CA10: variants seen among roughly 807,000 people sequenced by gnomAD.
CA10 encodes carbonic anhydrase 10 (inactive), also known as carbonic anhydrase-related protein 10.
A neutral mutation model predicts 44.2 loss-of-function variants in CA10; 14 were observed. That is an observed-to-expected ratio of 0.32 (90% CI 0.21 to 0.50). The LOEUF (loss-of-function observed/expected upper bound fraction) is 0.50, where lower values mean the gene tolerates loss of function less well. Ranked by LOEUF, CA10 falls within the 20% of genes least tolerant of loss-of-function variation. CA10 has a pLI of 0.99. For missense variants in CA10, 350 were observed against 409.7 expected (o/e 0.85, Z 1.26); for synonymous variants, 159 against 141.6 (o/e 1.12, Z -0.87).
intron 2 of CA10, among the ~76,000 whole-genome samples, chr17:52,051,224 T>C (rs1274169842): frequency 2.6e-5 from 4 of 151,806 alleles, no homozygotes; most frequent in African/African-American, 9.7e-5. Flanking sequence ...GCAATACCAT[T>C]CAGGACAGAC....
At chr17:51,994,556 T>C (rs960432709) in intron 2 of CA10, among the ~76,000 whole-genome samples, 1 of 152,024 alleles carries the variant, frequency 6.6e-6, no homozygotes, top group African/African-American at 2.4e-5. Flanking sequence ...CCTTGGTGAA[T>C]TTACTATAGT....
intron 2 of CA10, among the ~76,000 whole-genome samples, chr17:52,036,944 G>A (rs969114350): frequency 6.6e-6 from 1 of 152,174 alleles, no homozygotes; most frequent in African/African-American, 2.4e-5. Flanking sequence ...GCCAGAAAAT[G>A]AAGGACTCTA....
intron 2 of CA10, among the ~76,000 whole-genome samples, chr17:51,974,317 G>C (rs1038871984): frequency 6.6e-6 from 1 of 151,300 alleles, no homozygotes; most frequent in Non-Finnish European, 1.5e-5. Flanking sequence ...CCGGGAGGTG[G>C]AGGTTGCAGT....
intron 3 of CA10, among the ~76,000 whole-genome samples, chr17:51,770,301 C>A (rs1201998654): frequency 6.6e-6 from 1 of 151,498 alleles, no homozygotes; most frequent in Non-Finnish European, 1.5e-5. Flanking sequence ...TCTGTGGTGA[C>A]CAGCAAGTTA....
intron 3 of CA10, among the ~76,000 whole-genome samples, chr17:51,775,286 G>A (rs1905776960): frequency 6.6e-6 from 1 of 152,164 alleles, no homozygotes; most frequent in Non-Finnish European, 1.5e-5. Flanking sequence ...TCAGCCTGAT[G>A]GTTTAGGGTA....
intron 3 of CA10, among the ~76,000 whole-genome samples, chr17:51,928,477 T>C (rs531109321): frequency 6.6e-6 from 1 of 152,274 alleles, no homozygotes; most frequent in South Asian, 2.1e-4. Context: ...TCAGGTCAAA[T>C]ATGTTAAAAT....
chr17:51,945,082 C>T (rs1194298621), intron 2 of CA10, among the ~76,000 whole-genome samples: 2 of 152,156 alleles, frequency 1.3e-5, no homozygotes, highest in South Asian at 2.1e-4. Flanking sequence ...ACCTGGGAGA[C>T]TTCTCTATAT....
intron 1 of CA10, among the ~76,000 whole-genome samples, chr17:52,096,668 GATTT>G (rs1467442211): frequency 6.6e-6 from 1 of 152,028 alleles, no homozygotes; most frequent in East Asian, 1.9e-4. Flanking sequence ...AATGTACTAA[GATTT>G]ATTTCTTGAA....
chr17:51,932,604 A>G (rs1982709216), intron 2 of CA10, among the ~76,000 whole-genome samples: 2 of 152,126 alleles, frequency 1.3e-5, no homozygotes, highest in African/African-American at 4.8e-5. Flanking sequence ...CTGGTAGACC[A>G]TTTCCTTTAG....
intron 4 of CA10, among the ~76,000 whole-genome samples, chr17:51,692,372 T>C (rs1276994557): frequency 3.5e-5 from 2 of 56,856 alleles, no homozygotes; most frequent in Non-Finnish European, 6.5e-5. Flanking sequence ...CCATCCTATC[T>C]ATCTATCTAT....
At chr17:52,000,119 C>T (rs1193939374) in intron 2 of CA10, among the ~76,000 whole-genome samples, 1 of 151,972 alleles carries the variant, frequency 6.6e-6, no homozygotes, top group Non-Finnish European at 1.5e-5. Flanking sequence ...TAATCATAAG[C>T]TAAATTAACA....
In CA10 at chr17:52,036,563, GA is replaced by G. The variant is rs147806037; in HGVS notation, c.136+35755del. ...AGGAAAAATAGGCAGGTGAGGGGAG[GA>G]AATTCCAGGTAAAGGGAACAGATTG... On this transcript the variant is annotated intron_variant, in intron 2 of 8. Coordinates refer to ENST00000451037, the MANE Select transcript of CA10 (RefSeq NM_020178.5). 7.0e-3 allele frequency among the ~76,000 whole-genome samples: 1,062 copies of G among 152,184 alleles called. 12 individuals carry two copies. The highest frequency in any genetic ancestry group is 0.022 in the African/African-American group (911 of 41,536).
intron 1 of CA10, among the ~76,000 whole-genome samples, chr17:52,126,100 A>C (rs553218958): frequency 6.6e-6 from 1 of 152,368 alleles, no homozygotes; most frequent in East Asian, 1.9e-4. Flanking sequence ...TATACAATGT[A>C]ATATATACTA....
chr17:51,650,117 C>T (rs1449711346), intron 5 of CA10, among the ~76,000 whole-genome samples: 1 of 152,140 alleles, frequency 6.6e-6, no homozygotes, highest in African/African-American at 2.4e-5. Context: ...GCTTCAAATT[C>T]CTCTGTTGGG....
At chr17:51,649,292 C>T (rs768133242) in intron 5 of CA10, 38 bp from the exon 6 acceptor site, 1 of 1,420,666 alleles carries the variant, frequency 7.0e-7, no homozygotes, top group South Asian at 1.1e-5. Flanking sequence ...CTGGGCATCA[C>T]TCTTGCAGGA....
chr17:51,661,656 T>C (rs1914013579), intron 4 of CA10: 1 of 152,200 alleles, frequency 6.6e-6, no homozygotes, highest in Non-Finnish European at 1.5e-5. Flanking sequence ...TCTGCAGAAA[T>C]AGGGGTTAGG....
At chr17:51,686,088 G>C (rs573673292) in intron 4 of CA10, among the ~76,000 whole-genome samples, 3 of 151,664 alleles carry the variant, frequency 2.0e-5, no homozygotes, top group African/African-American at 7.3e-5. Context: ...CATGGGTCGG[G>C]GGGGGCGTCT....
chr17:52,021,037 T>C (rs1986123800), intron 2 of CA10, among the ~76,000 whole-genome samples: 1 of 152,210 alleles, frequency 6.6e-6, no homozygotes, highest in South Asian at 2.1e-4. Context: ...CCACATTTTA[T>C]TTATCCAGTC....
intron 3 of CA10, among the ~76,000 whole-genome samples, chr17:51,863,725 G>C (rs62063224): frequency 0.023 from 3,509 of 152,244 alleles, 58 homozygotes; most frequent in Middle Eastern, 0.048. Context: ...TGCTATACTT[G>C]TGATTAGAAT....
Sources: allele counts gnomAD v4.1 joint callset (sites outside exome capture counted in the v4.1 genomes callset), GRCh38; gene constraint gnomAD v4.1.1; transcripts MANE v1.5; gene names NCBI Gene and HGNC (gene_info 2026-07-23, HGNC 2026-07-21).